CCDC71L: variants seen among roughly 807,000 people sequenced by gnomAD.
CCDC71L encodes the protein coiled-coil domain containing 71 like.
A neutral mutation model predicts 10.2 loss-of-function variants in CCDC71L; 6 were observed. The ratio of observed to expected loss-of-function variants is 0.59; its 90% CI spans 0.32 to 1.16. The LOEUF (loss-of-function observed/expected upper bound fraction) is 1.16. Among genes scored for constraint, CCDC71L ranks in the 50% most tolerant of loss-of-function variants. The pLI is 0.05. For missense variants in CCDC71L, 366 were observed against 383.4 expected (o/e 0.95, Z 0.38); for synonymous variants, 204 against 175.5 (o/e 1.16, Z -1.28).
Position 106,660,303 on chromosome 7 carries a change from G to C in CCDC71L, c.594C>G (p.Ser198Arg). 1 of 1,545,624 alleles carries C rather than the reference G, an allele frequency of 6.5e-7. No homozygotes were observed. The highest frequency in any genetic ancestry group is 8.6e-7 in the Non-Finnish European group (1 of 1,156,996). ...LTTFPTIRVG[S>R]DVWGERSLAA... ...CCAGGCTGCGCTCGCCCCACACGTC[G>C]CTGCCGACGCGGATGGTGGGGAAGG... The change falls in exon 1 of 1, where the codon AGC becomes AGG. Residue 198 changes from serine to arginine, a missense_variant. By Grantham distance (110) the Ser-to-Arg change is moderately radical (BLOSUM62 -1). Coordinates refer to ENST00000523505, the MANE Select transcript of CCDC71L (RefSeq NM_175884.6). The surrounding 1 kb of genome is among the most constrained non-coding windows in gnomAD (Gnocchi z 7.5).
In CCDC71L at chr7:106,660,010, C is replaced by G. The variant is rs551799213; in HGVS notation, c.*179G>C. On this transcript the variant is annotated 3_prime_UTR_variant, in exon 1 of 1. Coordinates refer to ENST00000523505, the MANE Select transcript of CCDC71L (RefSeq NM_175884.6). This position sits in a 1 kb window ranked among gnomAD's most constrained non-coding sequence, Gnocchi z 7.5. ...GGCACACCTGCCCCAGCGTCCAAGA[C>G]GACCGCGCCGCGGCCCGGGACAGGG... The G allele has an allele frequency of 1.6e-5, 14 of 883,158 alleles. 2 individuals carry two copies. In the South Asian group the frequency reaches 2.7e-4, roughly 17 times the overall value. The allele number at this position is 883,158 out of a possible 1,614,324, so 54.7% of individuals were successfully genotyped here.
rs1203195090 is a variant in CCDC71L at position 106,655,499 on chromosome 7, T to C, written c.*4690A>G. 1.3e-5 allele frequency among the ~76,000 whole-genome samples: 2 copies of C among 152,306 alleles called. No homozygotes were observed. Among genetic ancestry groups the C allele is most frequent in the Non-Finnish European group, 2.9e-5 (2 of 68,022 alleles). ...CCTTTAACACCTGAATTATAAACTT[T>C]ATACAAACTATAGCTTGGTTCTATG... is the stretch of plus-strand genomic sequence containing the variant. On this transcript the variant is annotated 3_prime_UTR_variant, in exon 1 of 1. Transcript: ENST00000523505.
chr7:106,655,409 A>AT lies in CCDC71L; in HGVS notation c.*4779dup, dbSNP rs550203707. ...AGTGTGTCAATGCTTCAAATACAAG[A>AT]TTTTTTTTACTTTCAGTAATAATTT... On this transcript the variant is annotated 3_prime_UTR_variant, in exon 1 of 1. Coordinates refer to ENST00000523505, the MANE Select transcript of CCDC71L (RefSeq NM_175884.6). Among the ~76,000 whole-genome samples, 8 of 152,164 alleles carry AT rather than the reference A, an allele frequency of 5.3e-5. No homozygotes were observed. In the East Asian group the frequency reaches 5.8e-4, roughly 11 times the overall value.
chr7:106,660,933 C>T lies in CCDC71L; in HGVS notation c.-37G>A. ...CCGGGCCACTCACGCTCGCCGGGTCCCACTACTGCCGCCGCCGTCCCAGTC... is the reference window on the plus strand; with the variant it reads ...CCGGGCCACTCACGCTCGCCGGGTCTCACTACTGCCGCCGCCGTCCCAGTC... On this transcript the variant is annotated 5_prime_UTR_variant, in exon 1 of 1. Transcript: ENST00000523505. This position sits in a 1 kb window ranked among gnomAD's most constrained non-coding sequence, Gnocchi z 7.5. 1 of 1,320,748 alleles carries T rather than the reference C, an allele frequency of 7.6e-7. No individual in the cohort carries two copies. Among genetic ancestry groups the T allele is most frequent in the Non-Finnish European group, 9.6e-7 (1 of 1,037,222 alleles). 81.8% of individuals were successfully genotyped at this position (1,320,748 alleles called of 1,614,324 possible).
At position 106,654,990 on chromosome 7, in the gene CCDC71L, G is replaced by A. The variant is rs1305158926; in HGVS notation, c.*5199C>T. ...TTTAACTTTTCTATGAATGCTTTCG[G>A]AAGCTAAATAAGTCCAGTTTTGGAT... is the stretch of plus-strand genomic sequence containing the variant. On this transcript the variant is annotated 3_prime_UTR_variant, in exon 1 of 1. Transcript: ENST00000523505. Among the ~76,000 whole-genome samples the A allele has an allele frequency of 6.6e-6, 1 of 152,004 alleles. No individual in the cohort carries two copies. Among genetic ancestry groups the A allele is most frequent in the Admixed American group, 6.5e-5 (1 of 15,270 alleles).
Position 106,660,563 on chromosome 7 carries a change from G to A in CCDC71L, c.334C>T (p.Pro112Ser). 2 of 1,534,232 alleles carry A rather than the reference G, an allele frequency of 1.3e-6. No homozygotes were observed. Among genetic ancestry groups the A allele is most frequent in the Non-Finnish European group, 1.8e-6 (2 of 1,141,366 alleles). Residue 112 changes from proline (P) to serine (S), a missense_variant, in exon 1 of 1, where the codon CCG becomes TCG. Pro to Ser is a moderately conservative substitution (Grantham distance 74). Transcript: ENST00000523505. This position sits in a 1 kb window ranked among gnomAD's most constrained non-coding sequence, Gnocchi z 7.5. ...SSCRALVPDP[P>S]GPPTARGQAR... The stretch of plus-strand genomic sequence containing the variant: ...TGGCCGCGGGCTGTAGGGGGCCCCG[G>A]GGGGTCGGGTACCAGGGCCCGGCAG...
rs1792530959 is a variant in CCDC71L at position 106,658,604 on chromosome 7, A to G, written c.*1585T>C. ...AGCCCAGTATGGATCGTTTCATGGC[A>G]GAATACTTAAATTTGAAATAATAGT... On this transcript the variant is annotated 3_prime_UTR_variant, in exon 1 of 1. Transcript: ENST00000523505. 6.6e-6 allele frequency: 1 copy of G among 152,646 alleles called. No individual in the cohort carries two copies. The highest frequency in any genetic ancestry group is 2.4e-5 in the African/African-American group (1 of 41,452). The allele number at this position is 152,646 out of a possible 1,614,324, so 9.5% of individuals were successfully genotyped here.
Position 106,657,060 on chromosome 7 carries a change from T to G in CCDC71L, c.*3129A>C, listed in dbSNP as rs1396836416. ...GCTCAGATATTTTGTATTCAAATATTTTTAAAATTTACTTAAGAGTTTTCT... is the reference window on the plus strand; with the variant it reads ...GCTCAGATATTTTGTATTCAAATATGTTTAAAATTTACTTAAGAGTTTTCT... On this transcript the variant is annotated 3_prime_UTR_variant, in exon 1 of 1. Coordinates refer to ENST00000523505, the MANE Select transcript of CCDC71L (RefSeq NM_175884.6). 3 of 152,164 alleles carry G rather than the reference T, an allele frequency of 2.0e-5. No homozygotes were observed. Among genetic ancestry groups the G allele is most frequent in the South Asian group, 2.1e-4 (1 of 4,832 alleles). The allele number at this position is 152,164 out of a possible 1,614,324, so 9.4% of individuals were successfully genotyped here.
At position 106,659,811 on chromosome 7, in the gene CCDC71L, A is replaced by C; in HGVS notation, c.*378T>G. On this transcript the variant is annotated 3_prime_UTR_variant, in exon 1 of 1. Transcript: ENST00000523505. ...AAGCACGAAACCAAATTCCTTTGGA[A>C]AAATAATGTCTTCGGAGGACTTCCA... 1 of 192,320 alleles carries C rather than the reference A, an allele frequency of 5.2e-6. No individual in the cohort carries two copies. Among genetic ancestry groups the C allele is most frequent in the Non-Finnish European group, 1.1e-5 (1 of 94,300 alleles). The allele number at this position is 192,320 out of a possible 1,614,324, so 11.9% of individuals were successfully genotyped here. A position where few individuals can be genotyped will look rare whatever the true frequency, so the allele number is the denominator to read the frequency against.
In CCDC71L at chr7:106,657,708, T is replaced by C. The variant is rs572869402; in HGVS notation, c.*2481A>G. 1 of 152,368 alleles carries C rather than the reference T, an allele frequency of 6.6e-6. No homozygotes were observed. Among genetic ancestry groups the C allele is most frequent in the African/African-American group, 2.4e-5 (1 of 41,588 alleles). The allele number at this position is 152,368 out of a possible 1,614,324, so 9.4% of individuals were successfully genotyped here. A position where few individuals can be genotyped will look rare whatever the true frequency, so the allele number is the denominator to read the frequency against. ...AGGGCAAAAATAAAGATTTTTTACA[T>C]CTTATTTCACAGACTAGAAATGGCA... On this transcript the variant is annotated 3_prime_UTR_variant, in exon 1 of 1. Coordinates refer to ENST00000523505, the MANE Select transcript of CCDC71L (RefSeq NM_175884.6).
chr7:106,660,029 G>T lies in CCDC71L; in HGVS notation c.*160C>A. 1 of 1,041,720 alleles carries T rather than the reference G, an allele frequency of 9.6e-7. No homozygotes were observed. Among genetic ancestry groups the T allele is most frequent in the Non-Finnish European group, 1.3e-6 (1 of 771,268 alleles). 64.5% of individuals were successfully genotyped at this position (1,041,720 alleles called of 1,614,324 possible). ...CCAAGACGACCGCGCCGCGGCCCGG[G>T]ACAGGGACAACCATCCGGCAACTTC... is the stretch of plus-strand genomic sequence containing the variant. On this transcript the variant is annotated 3_prime_UTR_variant, in exon 1 of 1. Transcript: ENST00000523505. The surrounding 1 kb of genome is among the most constrained non-coding windows in gnomAD (Gnocchi z 7.5).
In CCDC71L at chr7:106,656,877, A is replaced by G. The variant is rs537657577; in HGVS notation, c.*3312T>C. 1 of 152,332 alleles carries G rather than the reference A, an allele frequency of 6.6e-6. No individual in the cohort carries two copies. The highest frequency in any genetic ancestry group is 2.1e-4 in the South Asian group (1 of 4,828). 9.4% of individuals were successfully genotyped at this position (152,332 alleles called of 1,614,324 possible). On this transcript the variant is annotated 3_prime_UTR_variant, in exon 1 of 1. Transcript: ENST00000523505. Reference sequence around the variant, plus strand: ...CTGTCCAGGGAAACACTTTGATTCCATTACAAACAATTGTTTTCTAATGCG... The same window carrying G: ...CTGTCCAGGGAAACACTTTGATTCCGTTACAAACAATTGTTTTCTAATGCG...
chr7:106,659,961 G>C lies in CCDC71L; in HGVS notation c.*228C>G, dbSNP rs1792558449. On this transcript the variant is annotated 3_prime_UTR_variant, in exon 1 of 1. Transcript: ENST00000523505. ...GGTCCAGCTGTCCCCTCCCTCCGCAGGCCGGGTACGGGAGGCAGCAGAGGG... is the reference window on the plus strand; with the variant it reads ...GGTCCAGCTGTCCCCTCCCTCCGCACGCCGGGTACGGGAGGCAGCAGAGGG... The C allele has an allele frequency of 1.8e-6, 1 of 551,028 alleles. No homozygotes were observed. The highest frequency in any genetic ancestry group is 2.0e-5 in the African/African-American group (1 of 50,090). The allele number at this position is 551,028 out of a possible 1,614,324, so 34.1% of individuals were successfully genotyped here.
Position 106,658,957 on chromosome 7 carries a change from G to C in CCDC71L, c.*1232C>G, listed in dbSNP as rs1054172577. On this transcript the variant is annotated 3_prime_UTR_variant, in exon 1 of 1. Coordinates refer to ENST00000523505, the MANE Select transcript of CCDC71L (RefSeq NM_175884.6). The stretch of plus-strand genomic sequence containing the variant: ...TAATTTTCATTATGTTTGTAAAACT[G>C]ATGAATATTAGTCTAGACATTTCTT... 1.3e-5 allele frequency: 2 copies of C among 152,160 alleles called. No homozygotes were observed. Among genetic ancestry groups the C allele is most frequent in the African/African-American group, 4.8e-5 (2 of 41,426 alleles). The allele number at this position is 152,160 out of a possible 1,614,324, so 9.4% of individuals were successfully genotyped here.
chr7:106,661,070 C>T lies in CCDC71L; in HGVS notation c.-174G>A. 1 of 979,162 alleles carries T rather than the reference C, an allele frequency of 1.0e-6. No homozygotes were observed. The highest frequency in any genetic ancestry group is 1.4e-6 in the Non-Finnish European group (1 of 735,044). The allele number at this position is 979,162 out of a possible 1,614,324, so 60.7% of individuals were successfully genotyped here. ...AGGACGCGGGCGAATATCCTGCTGC[C>T]CGGTACAAGATGGCGGCCGGCGCCC... On this transcript the variant is annotated 5_prime_UTR_variant, in exon 1 of 1. Transcript: ENST00000523505.
chr7:106,660,478 G>A lies in CCDC71L; in HGVS notation c.419C>T (p.Ala140Val). Residue 140 changes from alanine (A) to valine (V), a missense_variant, in exon 1 of 1, where the codon GCC (alanine) becomes GTC (valine). Ala to Val is a moderately conservative substitution (Grantham distance 64). Transcript: ENST00000523505. The surrounding 1 kb of genome is among the most constrained non-coding windows in gnomAD (Gnocchi z 7.5). ...CCGGGGCTTCCTCCTGCGGGCAGCG[G>A]CCGCCCGGGCTCCGCGGCGCCTCCT... ...ARRRRRGARAAAARRRKPRPP... is the reference protein window; with the variant it reads ...ARRRRRGARAVAARRRKPRPP... The A allele has an allele frequency of 8.2e-7, 1 of 1,223,350 alleles. No individual in the cohort carries two copies. The highest frequency in any genetic ancestry group is 4.0e-5 in the South Asian group (1 of 24,732). The allele number at this position is 1,223,350 out of a possible 1,614,324, so 75.8% of individuals were successfully genotyped here. A position where few individuals can be genotyped will look rare whatever the true frequency, so the allele number is the denominator to read the frequency against.
Position 106,660,879 on chromosome 7 carries a change from C to G in CCDC71L, c.18G>C (p.Lys6Asn). 6.9e-7 allele frequency: 1 copy of G among 1,451,486 alleles called. No homozygotes were observed. Among genetic ancestry groups the G allele is most frequent in the African/African-American group, 1.5e-5 (1 of 67,156 alleles). The allele number at this position is 1,451,486 out of a possible 1,614,324, so 89.9% of individuals were successfully genotyped here. The change falls in exon 1 of 1, where the codon AAG becomes AAC. Residue 6 changes from lysine (K) to asparagine (N), a missense_variant. Transcript: ENST00000523505. This position sits in a 1 kb window ranked among gnomAD's most constrained non-coding sequence, Gnocchi z 7.5. MRRSM[K>N]RRRRRRPVAP... ...CGACCGGGCGCCGGCGCCGCCGCCT[C>G]TTCATACTGCGCCGCATCGAAGGCC...
Position 106,660,899 on chromosome 7 carries a change from A to G in CCDC71L, c.-3T>C, listed in dbSNP as rs973837265. ...CGCCTCTTCATACTGCGCCGCATCG[A>G]AGGCCGCTCCGGGCCACTCACGCTC... is the stretch of plus-strand genomic sequence containing the variant. On this transcript the variant is annotated 5_prime_UTR_variant, in exon 1 of 1. Coordinates refer to ENST00000523505, the MANE Select transcript of CCDC71L (RefSeq NM_175884.6). This position sits in a 1 kb window ranked among gnomAD's most constrained non-coding sequence, Gnocchi z 7.5. 1 of 1,389,118 alleles carries G rather than the reference A, an allele frequency of 7.2e-7. No homozygotes were observed. The highest frequency in any genetic ancestry group is 1.5e-5 in the African/African-American group (1 of 65,106). 86.0% of individuals were successfully genotyped at this position (1,389,118 alleles called of 1,614,324 possible).
Position 106,660,673 on chromosome 7 carries a change from G to C in CCDC71L, c.224C>G (p.Ala75Gly). The stretch of plus-strand genomic sequence containing the variant: ...GCTGCAGAGGAAGCTCCAGAGCTCC[G>C]CGTCCGAGCTCATGAACTCCGTGCT... ...PRSTEFMSSDAELWSFLCSLK... is the reference protein window; with the variant it reads ...PRSTEFMSSDGELWSFLCSLK... Residue 75 changes from alanine (A) to glycine (G), a missense_variant, in exon 1 of 1, where the codon GCG (alanine) becomes GGG (glycine). Ala to Gly is a moderately conservative substitution (Grantham distance 60). Transcript: ENST00000523505. The surrounding 1 kb of genome is among the most constrained non-coding windows in gnomAD (Gnocchi z 7.5). The C allele has an allele frequency of 6.3e-7, 1 of 1,586,286 alleles. No homozygotes were observed. Among genetic ancestry groups the C allele is most frequent in the Non-Finnish European group, 8.6e-7 (1 of 1,166,438 alleles).
Sources: allele counts gnomAD v4.1 joint callset (sites outside exome capture counted in the v4.1 genomes callset), GRCh38; gene constraint gnomAD v4.1.1; non-coding constraint Gnocchi (gnomAD v3.1); transcripts MANE v1.5; gene names NCBI Gene and HGNC (gene_info 2026-07-23, HGNC 2026-07-21).